Variants in SLC35F3 observed in about 807,000 individuals in gnomAD.
SLC35F3 encodes the protein putative thiamine transporter SLC35F3.
Under a neutral mutation model 49.9 loss-of-function variants are expected in SLC35F3, and 25 were observed. The ratio of observed to expected loss-of-function variants is 0.50; its 90% CI spans 0.37 to 0.70. SLC35F3 has a LOEUF of 0.70. Ranked by LOEUF, SLC35F3 falls within the 30% of genes least tolerant of loss-of-function variation. The probability of loss-of-function intolerance (pLI) is 0.00; values close to 1 mark genes in which losing one functional copy is unlikely to be tolerated. For missense variants in SLC35F3, 525 were observed against 639.8 expected (o/e 0.82, Z 1.94); for synonymous variants, 275 against 265.4 (o/e 1.04, Z -0.35).
chr1:233,925,204 C>T lies in SLC35F3; in HGVS notation c.283+19446C>T, dbSNP rs148493403. Among the ~76,000 whole-genome samples the T allele has an allele frequency of 7.2e-3, 1,101 of 152,168 alleles. 14 individuals are homozygous for T. The highest frequency in any genetic ancestry group is 0.025 in the African/African-American group (1,031 of 41,522). Reference sequence around the variant, plus strand: ...GGATATCCTTGTTAACTTTCTGTCTCGTTGATCTGTCTAATATTGACAGTG... The same window carrying T: ...GGATATCCTTGTTAACTTTCTGTCTTGTTGATCTGTCTAATATTGACAGTG... On this transcript the variant is annotated intron_variant, in intron 2 of 7. Transcript: ENST00000366618.
chr1:234,111,079 A>T (rs956269613), intron 2 of SLC35F3, among the ~76,000 whole-genome samples: 2 of 152,210 alleles, frequency 1.3e-5, no homozygotes, highest in Admixed American at 1.3e-4. Context: ...GTTTAAGATG[A>T]GAAATAAGGT....
intron 3 of SLC35F3, among the ~76,000 whole-genome samples, chr1:234,267,479 C>T (rs1668005532): frequency 6.7e-6 from 1 of 149,088 alleles, no homozygotes; most frequent in Admixed American, 6.6e-5. Context: ...CCCTCACCTC[C>T]CGGATGGGGC....
At chr1:233,955,878 CTTTTTTT>C (rs869035917) in intron 2 of SLC35F3, among the ~76,000 whole-genome samples, 9 of 48,130 alleles carry the variant, frequency 1.9e-4, no homozygotes, top group African/African-American at 7.9e-4. Flanking sequence ...GTGTGGGTAT[CTTTTTTT>C]TTTTTTTTTT....
chr1:234,121,596 G>A (rs1257474834), intron 2 of SLC35F3, among the ~76,000 whole-genome samples: 2 of 151,324 alleles, frequency 1.3e-5, no homozygotes, highest in Admixed American at 1.3e-4. Context: ...TAAGTTCTAG[G>A]GTACATGTGC....
intron 2 of SLC35F3, among the ~76,000 whole-genome samples, chr1:234,184,517 C>A (rs1362073454): frequency 6.6e-6 from 1 of 152,192 alleles, no homozygotes; most frequent in Non-Finnish European, 1.5e-5. Context: ...GCTATGAGAC[C>A]TGACATTTTG....
intron 3 of SLC35F3, chr1:234,284,872 A>C (rs547888639): frequency 6.4e-6 from 1 of 155,402 alleles, no homozygotes; most frequent in Non-Finnish European, 1.4e-5. Flanking sequence ...ACTTGTATGC[A>C]TGATTTTGAT....
intron 2 of SLC35F3, among the ~76,000 whole-genome samples, chr1:234,227,388 C>A: frequency 2.1e-5 from 2 of 95,998 alleles, no homozygotes; most frequent in South Asian, 3.1e-4. Flanking sequence ...CTGCCTCTTT[C>A]TTTCTTTTTT....
At chr1:233,984,169 G>A (rs966565477) in intron 2 of SLC35F3, among the ~76,000 whole-genome samples, 18 of 152,206 alleles carry the variant, frequency 1.2e-4, no homozygotes, top group East Asian at 3.9e-4. Flanking sequence ...AAAGCTACTC[G>A]GCTCTTCTCT....
intron 3 of SLC35F3, chr1:234,285,376 C>A: frequency 2.1e-6 from 1 of 474,744 alleles, no homozygotes; most frequent in South Asian, 1.5e-5. Flanking sequence ...TGTTCAGTAT[C>A]TCAAGCCAAG....
intron 2 of SLC35F3, among the ~76,000 whole-genome samples, chr1:234,026,178 A>T (rs201094263): frequency 6.6e-6 from 1 of 152,150 alleles, no homozygotes; most frequent in African/African-American, 2.4e-5. Context: ...TACCAGTACC[A>T]TGCTGTTTTG....
intron 2 of SLC35F3, among the ~76,000 whole-genome samples, chr1:233,977,131 A>G (rs1663105584): frequency 6.6e-6 from 1 of 152,058 alleles, no homozygotes; most frequent in African/African-American, 2.4e-5. Context: ...TGTCCCATCC[A>G]CCCACCTCCC....
At chr1:234,278,797 GTC>G (rs1668257238) in intron 3 of SLC35F3, among the ~76,000 whole-genome samples, 1 of 152,064 alleles carries the variant, frequency 6.6e-6, no homozygotes, top group African/African-American at 2.4e-5. Flanking sequence ...GCTCTCTTTT[GTC>G]TCTCTTACCA....
chr1:234,142,301 T>C lies in SLC35F3; in HGVS notation c.284-89116T>C, dbSNP rs148084630. On this transcript the variant is annotated intron_variant, in intron 2 of 7. Coordinates refer to ENST00000366618, the MANE Select transcript of SLC35F3 (RefSeq NM_173508.4). ...AAAGATGTTTAGACCATGGAACTAA[T>C]CAGTGGACTCTTGGACTCTTTGCAC... Among the ~76,000 whole-genome samples the C allele has an allele frequency of 5.3e-5, 8 of 152,318 alleles. No individual in the cohort carries two copies. The East Asian group carries it at 9.7e-4, about 18-fold the overall frequency.
Position 234,117,924 on chromosome 1 carries a change from G to A in SLC35F3, c.284-113493G>A, listed in dbSNP as rs1187797236. Among the ~76,000 whole-genome samples, 4 of 5,774 alleles carry A rather than the reference G, an allele frequency of 6.9e-4. 1 individual carries two copies. Among genetic ancestry groups the A allele is most frequent in the Admixed American group, 8.5e-3 (2 of 234 alleles). 3.8% of individuals were successfully genotyped at this position (5,774 alleles called of 152,430 possible). A position where few individuals can be genotyped will look rare whatever the true frequency, so the allele number is the denominator to read the frequency against. ...AAAAAGACTATATATGTGTGTGTGT[G>A]TGTGTGTGTGTGTGTGTGTGTGTGT... On this transcript the variant is annotated intron_variant, in intron 2 of 7. Coordinates refer to ENST00000366618, the MANE Select transcript of SLC35F3 (RefSeq NM_173508.4).
chr1:233,917,117 G>C (rs958652250), intron 2 of SLC35F3, among the ~76,000 whole-genome samples: 1 of 152,070 alleles, frequency 6.6e-6, no homozygotes, highest in Non-Finnish European at 1.5e-5. Context: ...TATACATCTC[G>C]ATCCGTCAGT....
At chr1:234,069,932 T>C (rs867858838) in intron 2 of SLC35F3, among the ~76,000 whole-genome samples, 5 of 152,182 alleles carry the variant, frequency 3.3e-5, no homozygotes, top group African/African-American at 1.2e-4. Context: ...ATACCCTTCA[T>C]TCTTACTTGA....
chr1:234,001,256 C>T (rs1358585832), intron 2 of SLC35F3, among the ~76,000 whole-genome samples: 2 of 152,144 alleles, frequency 1.3e-5, no homozygotes, highest in Admixed American at 1.3e-4. Flanking sequence ...AACATGTGGA[C>T]TTCTTTTTAA....
In SLC35F3 at chr1:234,299,804, C is replaced by CAAAA. The variant is rs36039526; in HGVS notation, c.609-9280_609-9277dup. On this transcript the variant is annotated intron_variant, in intron 3 of 7. Transcript: ENST00000366618. The stretch of plus-strand genomic sequence containing the variant: ...TGAGCGATAGAGCAAGACTCCATCT[C>CAAAA]AAAAAAAAAAAAAAAAAAAAGAGAA... Among the ~76,000 whole-genome samples, 286 of 83,508 alleles carry CAAAA rather than the reference C, an allele frequency of 3.4e-3. 1 individual carries two copies. The highest frequency in any genetic ancestry group is 0.019 in the Middle Eastern group (2 of 108). 54.8% of individuals were successfully genotyped at this position (83,508 alleles called of 152,430 possible). A position where few individuals can be genotyped will look rare whatever the true frequency, so the allele number is the denominator to read the frequency against.
intron 2 of SLC35F3, among the ~76,000 whole-genome samples, chr1:234,146,361 CT>C (rs1665994946): frequency 6.6e-6 from 1 of 151,738 alleles, no homozygotes; most frequent in Non-Finnish European, 1.5e-5. Context: ...TCCTATCCAG[CT>C]TCATTTCCAT....
Sources: gnomAD v4.1 joint callset for allele counts (sites outside exome capture counted in the v4.1 genomes callset) on GRCh38, gnomAD v4.1.1 for gene constraint, MANE v1.5 for transcripts, NCBI Gene and HGNC (gene_info 2026-07-23, HGNC 2026-07-21) for gene names.